Variants in IDH3A observed in about 807,000 individuals in gnomAD.
The protein encoded by IDH3A is isocitrate dehydrogenase (NAD(+)) 3 catalytic subunit alpha, also known as isocitrate dehydrogenase [NAD] subunit alpha, mitochondrial.
In IDH3A, 23 loss-of-function variants were observed where a neutral mutation model predicts 43.3. That is an observed-to-expected ratio of 0.53 (90% CI 0.38 to 0.75). IDH3A has a LOEUF of 0.75. Ranked by LOEUF, IDH3A falls within the 30% of genes least tolerant of loss-of-function variation. The pLI, the probability that IDH3A is intolerant of heterozygous loss-of-function variation, is 0.00. For missense variants in IDH3A, 329 were observed against 474.4 expected, an observed-to-expected ratio of 0.69 and a Z score of 2.85; for synonymous variants, 154 against 163.5, an observed-to-expected ratio of 0.94 and a Z score of 0.44.
intron 2 of IDH3A, chr15:78,155,487 A>C (rs2074616372): frequency 2.4e-6 from 1 of 414,382 alleles, no homozygotes; most frequent in African/African-American, 2.0e-5. Context: ...CTGGCTATGT[A>C]AGTTTGTCAC....
rs956881750 is a variant in IDH3A, at chr15:78,157,164, T to A, written c.91-384T>A. 3.6e-6 allele frequency: 4 copies of A among 1,111,100 alleles called. No individual in the cohort carries two copies. In the Admixed American group the frequency reaches 1.9e-4, roughly 51 times the overall value. 68.8% of individuals were successfully genotyped at this position (1,111,100 alleles called of 1,614,324 possible). On this transcript the variant is annotated intron_variant, in intron 2 of 10. Transcript: ENST00000299518. ...TCATGAGAAACCGTCTAAATTTTAG[T>A]GAGAGAACATTGTTAATTTTTTGTT...
intron 10 of IDH3A, 35 bp downstream of exon 10, chr15:78,166,337 A>T (rs370584802): frequency 3.3e-5 from 53 of 1,603,142 alleles, no homozygotes; most frequent in Non-Finnish European, 4.5e-5. Context: ...TGCTGGGTAA[A>T]ATGCATTGCT....
rs139283481 is a variant in IDH3A at position 78,155,271 on chromosome 15, G to T, written c.86G>T (p.Gly29Val). ...AAACAGGTGACCAGAGGTTTTACTG[G>T]TGGTGTGAGTATAATTATGTCTTTT... ...NPKQVTRGFTGGVQTVTLIPG... is the reference protein window; with the variant it reads ...NPKQVTRGFTVGVQTVTLIPG... The change falls in exon 2 of 11, where the codon GGT (glycine) becomes GTT (valine). Residue 29 changes from glycine to valine, a missense_variant. This residue lies in a region of IDH3A where 212 missense variants were observed against 345.5 expected (regional missense o/e 0.61). Transcript: ENST00000299518. 6.2e-7 allele frequency: 1 copy of T among 1,608,542 alleles called. No homozygotes were observed. Among genetic ancestry groups the T allele is most frequent in the African/African-American group, 1.3e-5 (1 of 74,892 alleles).
intron 1 of IDH3A, chr15:78,151,020 G>A (rs2074569551): frequency 6.6e-6 from 1 of 152,218 alleles, no homozygotes; most frequent in Non-Finnish European, 1.5e-5. Flanking sequence ...GATTGTGCTG[G>A]TAAATCTGTT....
chr15:78,169,360 G>A lies in IDH3A; in HGVS notation c.*355G>A. ...GGATACAGAATTAACAAGAGAAAAT[G>A]TCTAACTTTTTAAGAAAAACCTTAT... On this transcript the variant is annotated 3_prime_UTR_variant, in exon 11 of 11. Coordinates refer to ENST00000299518, the MANE Select transcript of IDH3A (RefSeq NM_005530.3). 6.1e-6 allele frequency: 1 copy of A among 162,978 alleles called. No homozygotes were observed. Among genetic ancestry groups the A allele is most frequent in the East Asian group, 1.7e-4 (1 of 5,894 alleles). 10.1% of individuals were successfully genotyped at this position (162,978 alleles called of 1,614,324 possible).
chr15:78,162,926 C>T (rs1231186633), intron 6 of IDH3A, among the ~76,000 whole-genome samples: 1 of 152,178 alleles, frequency 6.6e-6, no homozygotes, highest in East Asian at 1.9e-4. Context: ...GTCCTGGAAG[C>T]TCAAGGAAGG....
At chr15:78,165,240 G>A (rs1255851014) in intron 9 of IDH3A, among the ~76,000 whole-genome samples, 164 bp downstream of exon 9, 2 of 151,392 alleles carry the variant, frequency 1.3e-5, no homozygotes, top group East Asian at 1.9e-4. Flanking sequence ...CACCCACGCT[G>A]GAGTACAGTG....
chr15:78,165,195 CTTT>C, intron 9 of IDH3A, 119 bp downstream of exon 9: 2 of 573,330 alleles, frequency 3.5e-6, no homozygotes, highest in Non-Finnish European at 6.2e-6. Context: ...CAAAATGATG[CTTT>C]TTTTTTTTCT....
chr15:78,150,667 A>G (rs1159468279), intron 1 of IDH3A: 1 of 152,268 alleles, frequency 6.6e-6, no homozygotes, highest in Non-Finnish European at 1.5e-5. Flanking sequence ...ATTAAATAAA[A>G]TAATGTATGT....
At chr15:78,152,318 A>G (rs2074583718) in intron 1 of IDH3A, among the ~76,000 whole-genome samples, 1 of 148,682 alleles carries the variant, frequency 6.7e-6, no homozygotes, top group Non-Finnish European at 1.5e-5. Flanking sequence ...TCAGCCTCCC[A>G]AAGTGCTGGG....
intron 6 of IDH3A, among the ~76,000 whole-genome samples, 196 bp downstream of exon 6, chr15:78,162,563 T>G (rs1332384073): frequency 1.4e-4 from 18 of 127,446 alleles, no homozygotes; most frequent in African/African-American, 5.5e-4. Flanking sequence ...TTTTTTTTTT[T>G]GAGACGGAGT....
At chr15:78,154,295 A>G (rs961574285) in intron 1 of IDH3A, 1 of 152,098 alleles carries the variant, frequency 6.6e-6, no homozygotes, top group Non-Finnish European at 1.5e-5. Context: ...GCAAACTGAC[A>G]GTAATGACCA....
intron 10 of IDH3A, chr15:78,168,540 A>G (rs1364928107): frequency 1.9e-5 from 3 of 156,146 alleles, no homozygotes; most frequent in East Asian, 3.7e-4. Context: ...TCTCAGGTCT[A>G]TTCCTGAGAC....
chr15:78,160,237 CA>C lies in IDH3A; in HGVS notation c.289+32del, dbSNP rs773562855. ...ACTGAAGTAGAGACGGGGGTTTTTA[CA>C]GATTTCCGCTACAGGGGTTACTTAG... On this transcript the variant is annotated intron_variant, in intron 4 of 10. Coordinates refer to ENST00000299518, the MANE Select transcript of IDH3A (RefSeq NM_005530.3). 3.1e-6 allele frequency: 4 copies of C among 1,271,280 alleles called. No homozygotes were observed. In the South Asian group the frequency reaches 4.8e-5, roughly 15 times the overall value. The allele number at this position is 1,271,280 out of a possible 1,614,324, so 78.7% of individuals were successfully genotyped here.
At position 78,169,009 on chromosome 15, in the gene IDH3A, T is replaced by C; in HGVS notation, c.*4T>C. 2 of 1,575,902 alleles carry C rather than the reference T, an allele frequency of 1.3e-6. No individual in the cohort carries two copies. The highest frequency in any genetic ancestry group is 1.7e-6 in the Non-Finnish European group (2 of 1,147,630). On this transcript the variant is annotated 3_prime_UTR_variant, in exon 11 of 11. Coordinates refer to ENST00000299518, the MANE Select transcript of IDH3A (RefSeq NM_005530.3). ...CCGAGTAAAAGATTTAGATTAACAC[T>C]TCTACAACTGGCATTTACATCAGTC...
chr15:78,152,625 G>T (rs1036072516), intron 1 of IDH3A, among the ~76,000 whole-genome samples: 1 of 152,168 alleles, frequency 6.6e-6, no homozygotes, highest in African/African-American at 2.4e-5. Context: ...CTCCCAAAGT[G>T]CTGGGATTAC....
In IDH3A at chr15:78,159,969, T is replaced by G. The variant is rs1366959808; in HGVS notation, c.175-123T>G. On this transcript the variant is annotated intron_variant, in intron 3 of 10. Coordinates refer to ENST00000299518, the MANE Select transcript of IDH3A (RefSeq NM_005530.3). ...AAGATTGTGCCGCTGCACTCTAGCC[T>G]AGGCGACAGAGCGGGACTCTATCTC... The G allele has an allele frequency of 1.2e-5, 8 of 654,856 alleles. No homozygotes were observed. In the East Asian group the frequency reaches 1.4e-4, roughly 11 times the overall value. The allele number at this position is 654,856 out of a possible 1,614,324, so 40.6% of individuals were successfully genotyped here. A position where few individuals can be genotyped will look rare whatever the true frequency, so the allele number is the denominator to read the frequency against.
rs1366277673 is a variant in IDH3A, at chr15:78,161,340, G to A, written c.290-241G>A. 2.0e-5 allele frequency among the ~76,000 whole-genome samples: 3 copies of A among 152,152 alleles called. No homozygotes were observed. Among genetic ancestry groups the A allele is most frequent in the African/African-American group, 4.8e-5 (2 of 41,428 alleles). The stretch of plus-strand genomic sequence containing the variant: ...TTGCTGTTGTACGGGGTGATGATAA[G>A]GATTATATCATGTCAAGCACATGAT... On this transcript the variant is annotated intron_variant, in intron 4 of 10. Coordinates refer to ENST00000299518, the MANE Select transcript of IDH3A (RefSeq NM_005530.3). This position sits in a 1 kb window ranked among gnomAD's most constrained non-coding sequence, Gnocchi z 4.8.
In IDH3A at chr15:78,162,225, G is replaced by T; in HGVS notation, c.478-9G>T. 1.2e-6 allele frequency: 2 copies of T among 1,614,084 alleles called. No homozygotes were observed. The highest frequency in any genetic ancestry group is 1.7e-6 in the Non-Finnish European group (2 of 1,180,000). ...TCTTTCCAGCAAGGTGGGACTTCCT[G>T]TCTTGCAGATTGTTGATGGAGTCGT... On this transcript the variant is annotated splice_polypyrimidine_tract_variant and intron_variant, in intron 5 of 10. Transcript: ENST00000299518.
Sources: gnomAD v4.1 joint callset for allele counts (sites outside exome capture counted in the v4.1 genomes callset) on GRCh38, gnomAD v4.1.1 for gene constraint, gnomAD v4.1.1 regional missense constraint, Gnocchi (gnomAD v3.1) non-coding constraint, MANE v1.5 for transcripts, NCBI Gene and HGNC (gene_info 2026-07-23, HGNC 2026-07-21) for gene names.